Variants in MBD5 observed in about 807,000 individuals in gnomAD.
MBD5 encodes methyl-CpG binding domain protein 5, also known as methyl-CpG-binding domain protein 5.
Under a neutral mutation model 117.3 loss-of-function variants are expected in MBD5, and 13 were observed. The observed-to-expected ratio is 0.11, with a 90% confidence interval of 0.07 to 0.18. The LOEUF (loss-of-function observed/expected upper bound fraction) is 0.18. MBD5 is among the 10% of genes least tolerant of loss of function. The pLI, the probability that MBD5 is intolerant of heterozygous loss-of-function variation, is 1.00. For synonymous variants in MBD5, 727 were observed against 766.4 expected, an observed-to-expected ratio of 0.95 and a Z score of 0.85; for missense variants, 1,879 against 2,093.8, an observed-to-expected ratio of 0.90 and a Z score of 2.00.
chr2:148,034,924 C>T (rs1694147391), intron 1 of MBD5, among the ~76,000 whole-genome samples: 1 of 152,148 alleles, frequency 6.6e-6, no homozygotes, highest in Non-Finnish European at 1.5e-5. Flanking sequence ...CTTTCAGAGA[C>T]ATTCCTGGGT....
chr2:148,194,810 T>C (rs982207256), intron 2 of MBD5, among the ~76,000 whole-genome samples: 9 of 148,310 alleles, frequency 6.1e-5, no homozygotes, highest in African/African-American at 2.2e-4. Context: ...ACAGATGGAA[T>C]AAGTAGAAAA....
chr2:148,041,054 C>G (rs569073659), intron 1 of MBD5, among the ~76,000 whole-genome samples: 155 of 152,236 alleles, frequency 1.0e-3, no homozygotes, highest in Non-Finnish European at 1.6e-3. Context: ...CCTCAACCTC[C>G]GGGCTTAAGT....
chr2:148,386,677 C>T (rs1342269293), intron 4 of MBD5, among the ~76,000 whole-genome samples: 4 of 146,092 alleles, frequency 2.7e-5, no homozygotes, highest in Non-Finnish European at 6.0e-5. Context: ...CGAGATCCCG[C>T]CACTGCACTC....
chr2:148,432,408 T>C (rs1706017873), intron 4 of MBD5, among the ~76,000 whole-genome samples: 1 of 152,164 alleles, frequency 6.6e-6, no homozygotes, highest in Non-Finnish European at 1.5e-5. Flanking sequence ...TTTGTTGCAG[T>C]GGCTTCTGCT....
intron 1 of MBD5, among the ~76,000 whole-genome samples, chr2:148,112,317 T>C (rs1171379393): frequency 6.6e-6 from 1 of 152,208 alleles, no homozygotes; most frequent in East Asian, 1.9e-4. Flanking sequence ...TCCCAAGGAA[T>C]CTCCTCAGCA....
rs187484067 is a variant in MBD5, at chr2:148,402,326, C to T, written c.-556-55877C>T. On this transcript the variant is annotated intron_variant, in intron 4 of 13. Transcript: ENST00000642680. The stretch of plus-strand genomic sequence containing the variant: ...TCCTTCATTCCTCCTACTTTTATTA[C>T]GTGAAATTCTTCAATAAAGAAGAGC... 1.2e-3 allele frequency among the ~76,000 whole-genome samples: 176 copies of T among 152,096 alleles called. 2 individuals carry two copies. Among genetic ancestry groups the T allele is most frequent in the Admixed American group, 9.6e-3 (146 of 15,274 alleles).
intron 1 of MBD5, among the ~76,000 whole-genome samples, chr2:148,113,552 T>C (rs1336966439): frequency 2.6e-5 from 4 of 152,212 alleles, no homozygotes; most frequent in African/African-American, 9.7e-5. Context: ...TCCAGAGGAA[T>C]GTGAGTAGTC....
At chr2:148,083,184 T>G (rs1695691423) in intron 1 of MBD5, among the ~76,000 whole-genome samples, 2 of 152,238 alleles carry the variant, frequency 1.3e-5, no homozygotes, top group Non-Finnish European at 2.9e-5. Flanking sequence ...CCAATATTTC[T>G]GCTATATAAA....
In MBD5 at chr2:148,489,946, G is replaced by A; in HGVS notation, c.4314G>A (p.Gly1438=). The change falls in exon 11 of 14, where the codon GGG becomes GGA. Residue 1438 remains glycine (G), a synonymous_variant. Coordinates refer to ENST00000642680, the MANE Select transcript of MBD5 (RefSeq NM_001378120.1). ...GGGACGGGGAGCAAAGCCCCAGAGG[G>A]GAGCGAAACAGGTGGAAGTACGAGG... The part of the protein sequence containing the change: ...KQWDGEQSPR[G]ERNRWKYEEF... The A allele has an allele frequency of 6.2e-7, 1 of 1,613,966 alleles. No homozygotes were observed. Among genetic ancestry groups the A allele is most frequent in the Non-Finnish European group, 8.5e-7 (1 of 1,179,986 alleles).
Position 148,061,917 on chromosome 2 carries a change from G to T in MBD5, c.-925+40233G>T, listed in dbSNP as rs1254984341. On this transcript the variant is annotated intron_variant, in intron 1 of 13. Transcript: ENST00000642680. The stretch of plus-strand genomic sequence containing the variant: ...TCAGGATTTTAAATATTTCCCATGG[G>T]TTTTTTTTTTCCGTTTTTATTTCCT... Among the ~76,000 whole-genome samples the T allele has an allele frequency of 8.3e-4, 121 of 145,492 alleles. 1 individual carries two copies. Among genetic ancestry groups the T allele is most frequent in the Non-Finnish European group, 1.7e-3 (111 of 65,722 alleles).
intron 1 of MBD5, among the ~76,000 whole-genome samples, chr2:148,164,977 A>G (rs1039303393): frequency 1.1e-4 from 16 of 152,174 alleles, no homozygotes; most frequent in African/African-American, 3.4e-4. Flanking sequence ...TTCTCAATCT[A>G]TTATAAATAT....
At chr2:148,197,286 G>A (rs114864478) in intron 2 of MBD5, among the ~76,000 whole-genome samples, 1,869 of 152,252 alleles carry the variant, frequency 0.012, 44 homozygotes, top group African/African-American at 0.043. Flanking sequence ...GTTTTCAGAC[G>A]ATTTCAGTTC....
intron 1 of MBD5, among the ~76,000 whole-genome samples, chr2:148,168,963 G>A (rs1178979533): frequency 1.4e-5 from 2 of 148,052 alleles, no homozygotes; most frequent in African/African-American, 4.9e-5. Flanking sequence ...GTATATATAG[G>A]ATATATATAC....
chr2:148,200,906 C>A (rs948241642), intron 2 of MBD5, among the ~76,000 whole-genome samples: 2 of 152,052 alleles, frequency 1.3e-5, no homozygotes, highest in Non-Finnish European at 2.9e-5. Flanking sequence ...TGCTTTAAAA[C>A]TTTTTTTAAA....
rs1704574641 is a variant in MBD5, at chr2:148,391,621, C to T, written c.-557+49285C>T. On this transcript the variant is annotated intron_variant, in intron 4 of 13. Transcript: ENST00000642680. The stretch of plus-strand genomic sequence containing the variant: ...GGTTTCTTATCAGCAGACAACATTC[C>T]TCTCTAATATGGTCATCTTCCTGAT... 2.0e-5 allele frequency among the ~76,000 whole-genome samples: 3 copies of T among 152,206 alleles called. No homozygotes were observed. In the South Asian group the frequency reaches 6.2e-4, roughly 32 times the overall value.
chr2:148,226,853 C>G (rs1306692357), intron 2 of MBD5, among the ~76,000 whole-genome samples: 1 of 152,220 alleles, frequency 6.6e-6, no homozygotes, highest in African/African-American at 2.4e-5. Flanking sequence ...TTGCATTTCT[C>G]TGATGGCCAG....
intron 3 of MBD5, among the ~76,000 whole-genome samples, chr2:148,322,069 T>A (rs1441459394): frequency 6.6e-6 from 1 of 152,220 alleles, no homozygotes; most frequent in Non-Finnish European, 1.5e-5. Context: ...CTAGACTCCA[T>A]AATATGACCT....
intron 3 of MBD5, among the ~76,000 whole-genome samples, chr2:148,335,170 C>G (rs989907862): frequency 7.9e-5 from 12 of 152,114 alleles, no homozygotes; most frequent in African/African-American, 2.7e-4. Context: ...AGGCAGATCA[C>G]TTGAGCTCAG....
At chr2:148,220,783 C>CTTGTTA in intron 2 of MBD5, among the ~76,000 whole-genome samples, 1 of 152,122 alleles carries the variant, frequency 6.6e-6, no homozygotes, top group East Asian at 1.9e-4. Context: ...TCTAAGACAT[C>CTTGTTA]TTGTTATAAC....
Sources: allele counts gnomAD v4.1 joint callset (sites outside exome capture counted in the v4.1 genomes callset), GRCh38; gene constraint gnomAD v4.1.1; transcripts MANE v1.5; gene names NCBI Gene and HGNC (gene_info 2026-07-23, HGNC 2026-07-21).